Variants in TAL1 observed in about 807,000 individuals in gnomAD.
TAL1 encodes T-cell acute lymphocytic leukemia protein 1.
In TAL1, 8 loss-of-function variants were observed where a neutral mutation model predicts 17.9. The observed-to-expected ratio is 0.45, with a 90% CI of 0.26 to 0.81. The LOEUF (loss-of-function observed/expected upper bound fraction) is 0.81. Ranked by LOEUF, TAL1 falls within the 30% of genes least tolerant of loss-of-function variation. TAL1 has a pLI of 0.17. For missense variants in TAL1, 466 were observed against 486.9 expected (o/e 0.96, Z 0.40); for synonymous variants, 223 against 218.6 (o/e 1.02, Z -0.18).
exon 4 of TAL1, chr1:47,217,416 G>A (rs1645518148): frequency 5.0e-6 from 2 of 396,360 alleles, no homozygotes; most frequent in African/African-American, 2.1e-5. Context: ...CACACAAATA[G>A]ATAATCTGGA....
intron 3 of TAL1, chr1:47,223,620 C>G (rs980031356): frequency 5.8e-6 from 1 of 171,192 alleles, no homozygotes; most frequent in African/African-American, 2.4e-5. Flanking sequence ...GGGTCAGTGC[C>G]TAGAATGGGG....
chr1:47,218,457 T>A (rs183248350), exon 4 of TAL1: 1 of 232,938 alleles, frequency 4.3e-6, no homozygotes, highest in Admixed American at 5.6e-5. Flanking sequence ...CATGTACAAC[T>A]TTCAGAGGGG....
intron 1 of TAL1, 157 bp from the exon 3 acceptor site, chr1:47,226,046 C>A (rs1396646165): frequency 6.6e-6 from 1 of 150,968 alleles, no homozygotes; most frequent in African/African-American, 3.7e-5. Context: ...GGGGCTAGGG[C>A]GGGAGGCCGG....
chr1:47,225,302 T>C, intron 2 of TAL1, 141 bp downstream of exon 3: 1 of 779,536 alleles, frequency 1.3e-6, no homozygotes, highest in Non-Finnish European at 1.7e-6. Flanking sequence ...AGCCACTGGG[T>C]TTAAAACGAC....
exon 4 of TAL1, chr1:47,219,666 C>T: frequency 6.2e-7 from 1 of 1,600,194 alleles, no homozygotes; most frequent in African/African-American, 1.3e-5. Context: ...CTGAAGCCCA[C>T]CATCCCAGCA....
chr1:47,225,135 C>A (rs563970491), intron 2 of TAL1, among the ~76,000 whole-genome samples: 1 of 152,080 alleles, frequency 6.6e-6, no homozygotes, highest in Non-Finnish European at 1.5e-5. Flanking sequence ...ACACCACCAC[C>A]AAGCACACCA....
At chr1:47,218,750 T>A in exon 4 of TAL1, 1 of 233,542 alleles carries the variant, frequency 4.3e-6, no homozygotes, top group Non-Finnish European at 8.5e-6. Context: ...GACCAGACCA[T>A]CAGCAAACAG....
chr1:47,223,903 T>C, intron 3 of TAL1, 101 bp downstream of exon 4: 1 of 1,198,392 alleles, frequency 8.3e-7, no homozygotes, highest in Non-Finnish European at 1.2e-6. Flanking sequence ...GGCCCGCCCA[T>C]CTTTGTGAGA....
chr1:47,223,921 G>C, intron 3 of TAL1, 83 bp downstream of exon 4: 1 of 1,333,468 alleles, frequency 7.5e-7, no homozygotes, highest in Non-Finnish European at 1.1e-6. Context: ...AGATACCTAC[G>C]GAGTAGTCCC....
At chr1:47,229,214 G>T (rs1295695572) in exon 1 of TAL1, 1 of 194,442 alleles carries the variant, frequency 5.1e-6, no homozygotes, top group East Asian at 8.0e-5. Flanking sequence ...TATTTAGAGA[G>T]ACCGGCCCCT....
chr1:47,217,387 T>TCACA lies in TAL1; in HGVS notation c.*2329_*2332dup, dbSNP rs143131127. 1,460 of 353,210 alleles carry TCACA rather than the reference T, an allele frequency of 4.1e-3. 3 individuals are homozygous for TCACA. Among genetic ancestry groups the TCACA allele is most frequent in the East Asian group, 0.031 (754 of 24,106 alleles). The allele number at this position is 353,210 out of a possible 1,614,324, so 21.9% of individuals were successfully genotyped here. On this transcript the variant is annotated 3_prime_UTR_variant, in exon 4 of 4. Transcript: ENST00000294339. ...GAGTGACAGAACAAGACACCGTCTC[T>TCACA]CACACACACACACACACACACACAA... is the stretch of plus-strand genomic sequence containing the variant.
In TAL1 at chr1:47,220,027, C is replaced by T. The variant is rs754330586; in HGVS notation, c.689G>A (p.Arg230His). The T allele has an allele frequency of 1.9e-5, 30 of 1,613,412 alleles. No homozygotes were observed. The South Asian group carries it at 2.2e-4, about 12-fold the overall frequency. The stretch of plus-strand genomic sequence containing the variant: ...GAAGTTGATATACTTCATGGCCAGG[C>T]GGAGGATCTCATTCTTGCTGAGCTT... Residue 230 changes from arginine (R) to histidine (H), a missense_variant, in exon 4 of 4, where the codon CGC becomes CAC. Around this residue, in one of 5 missense-constraint regions of TAL1, gnomAD observed 38 missense variants for 72.3 expected, o/e 0.53. Transcript: ENST00000294339.
intron 3 of TAL1, among the ~76,000 whole-genome samples, chr1:47,220,863 C>T (rs1049456237): frequency 3.3e-5 from 5 of 152,118 alleles, no homozygotes; most frequent in East Asian, 3.9e-4. Context: ...AATGGGGAAA[C>T]GAATATTAAA....
chr1:47,221,389 ATAAAG>A (rs1643803571), intron 3 of TAL1, among the ~76,000 whole-genome samples: 1 of 152,206 alleles, frequency 6.6e-6, no homozygotes, highest in Non-Finnish European at 1.5e-5. Flanking sequence ...CATTCCATGT[ATAAAG>A]ACTTATGGAG....
rs200636503 is a variant in TAL1, at chr1:47,225,809, G to C, written c.80C>G (p.Ala27Gly). The change falls in exon 2 of 4, where the codon GCC becomes GGC. Residue 27 changes from alanine to glycine, a missense_variant. Ala to Gly is a moderately conservative substitution (Grantham distance 60). Transcript: ENST00000294339. Reference sequence around the variant, plus strand: ...GTTCAGCAGGACCAGGTGCGGGGGGGCCATGCTGGCCTCGGCCGCGTCCCG... The same window carrying C: ...GTTCAGCAGGACCAGGTGCGGGGGGCCCATGCTGGCCTCGGCCGCGTCCCG... 339 of 1,574,762 alleles carry C rather than the reference G, an allele frequency of 2.2e-4. 1 individual carries two copies. The African/African-American group carries it at 4.2e-3, about 19-fold the overall frequency.
Position 47,224,024 on chromosome 1 carries a change from TA to T in TAL1, c.520del (p.Tyr174MetfsTer30). The T allele has an allele frequency of 6.2e-7, 1 of 1,613,756 alleles. No individual in the cohort carries two copies. Among genetic ancestry groups the T allele is most frequent in the Non-Finnish European group, 8.5e-7 (1 of 1,179,928 alleles). On this transcript the variant is annotated frameshift_variant, in exon 3 of 4. Coordinates refer to ENST00000294339, the Ensembl canonical transcript of TAL1. LOFTEE classifies it high-confidence loss of function. Reference sequence around the variant, plus strand: ...CTCACCATCAGTAATCTCCATCTCATAGGGGGAAGGTCTCCTCTTCACTCGA... The same window carrying T: ...CTCACCATCAGTAATCTCCATCTCATGGGGGAAGGTCTCCTCTTCACTCGA...
At chr1:47,222,620 C>T (rs961994951) in intron 3 of TAL1, among the ~76,000 whole-genome samples, 1 of 152,112 alleles carries the variant, frequency 6.6e-6, no homozygotes, top group Non-Finnish European at 1.5e-5. Flanking sequence ...CCTGCACACT[C>T]ATACCCTACC....
chr1:47,229,236 C>T (rs993557028), exon 1 of TAL1: 5 of 203,108 alleles, frequency 2.5e-5, no homozygotes, highest in Non-Finnish European at 4.0e-5. Context: ...TGAATAGGAT[C>T]TCCACTCCGC....
intron 3 of TAL1, 44 bp from the exon 5 acceptor site, chr1:47,220,218 T>C: frequency 6.8e-7 from 1 of 1,472,640 alleles, no homozygotes; most frequent in Non-Finnish European, 9.0e-7. Context: ...GGCTTGAGAT[T>C]CCTTCCCCAA....
Sources: gnomAD v4.1 joint callset for allele counts (sites outside exome capture counted in the v4.1 genomes callset) on GRCh38, gnomAD v4.1.1 for gene constraint, gnomAD v4.1.1 regional missense constraint, MANE v1.5 for transcripts, NCBI Gene and HGNC (gene_info 2026-07-23, HGNC 2026-07-21) for gene names.